The following NT5DC1 variants were observed in gnomAD, a reference collection of about 807,000 sequenced individuals.
NT5DC1 encodes 5'-nucleotidase domain containing 1.
A neutral mutation model predicts 59.4 loss-of-function variants in NT5DC1; 42 were observed. That is an observed-to-expected ratio of 0.71 (90% CI 0.55 to 0.92). The LOEUF is 0.92. Among genes scored for constraint, NT5DC1 ranks in the 40% least tolerant of loss-of-function variants. NT5DC1 has a pLI of 0.00. For synonymous variants in NT5DC1, 172 were observed against 188.1 expected (o/e 0.91, Z 0.70); for missense variants, 501 against 537.1 (o/e 0.93, Z 0.66).
chr6:116,179,212 T>C (rs1423492127), intron 6 of NT5DC1, among the ~76,000 whole-genome samples: 1 of 152,178 alleles, frequency 6.6e-6, no homozygotes, highest in Non-Finnish European at 1.5e-5. Context: ...ATAGTAGATA[T>C]TCTTCCAGTG....
Position 116,221,219 on chromosome 6 carries a change from A to G in NT5DC1, c.695A>G (p.Tyr232Cys), listed in dbSNP as rs775816029. The G allele has an allele frequency of 3.8e-6, 6 of 1,585,294 alleles. No homozygotes were observed. Among genetic ancestry groups the G allele is most frequent in the South Asian group, 3.3e-5 (3 of 89,838 alleles). The change falls in exon 7 of 12, where the codon TAT (tyrosine) becomes TGT (cysteine). Residue 232 changes from tyrosine (Y) to cysteine (C), a missense_variant. Tyr to Cys is a radical substitution (Grantham distance 194). Coordinates refer to ENST00000319550, the MANE Select transcript of NT5DC1 (RefSeq NM_152729.3). ...HSDYCRLLCE[Y>C]ILGNDFTDLF... The stretch of plus-strand genomic sequence containing the variant: ...GATTACTGTAGACTTCTCTGCGAAT[A>G]TATTCTTGGGTGAGTGATGAGTCAT...
At chr6:116,207,144 T>C (rs571311755) in intron 6 of NT5DC1, among the ~76,000 whole-genome samples, 1 of 151,982 alleles carries the variant, frequency 6.6e-6, no homozygotes, top group Admixed American at 6.6e-5. Context: ...GGAGCTGATA[T>C]CTCTGCATTA....
chr6:116,150,624 T>C (rs188390926), intron 6 of NT5DC1, among the ~76,000 whole-genome samples: 1 of 152,248 alleles, frequency 6.6e-6, no homozygotes, highest in Non-Finnish European at 1.5e-5. Flanking sequence ...GCAGTGGAAA[T>C]AGAAGTCCCT....
chr6:116,191,460 T>A (rs1343452993), intron 6 of NT5DC1, among the ~76,000 whole-genome samples: 2 of 151,978 alleles, frequency 1.3e-5, no homozygotes, highest in Non-Finnish European at 2.9e-5. Context: ...GTGTAAGAGG[T>A]TTCTACTTAG....
intron 6 of NT5DC1, among the ~76,000 whole-genome samples, chr6:116,132,421 A>G (rs1582823285): frequency 6.6e-6 from 1 of 152,014 alleles, no homozygotes; most frequent in Admixed American, 6.6e-5. Flanking sequence ...GTTCTGTGAT[A>G]TAGTTTTCAC....
chr6:116,102,252 C>T (rs1023541103), intron 1 of NT5DC1, among the ~76,000 whole-genome samples: 6 of 152,196 alleles, frequency 3.9e-5, no homozygotes, highest in African/African-American at 7.2e-5. Flanking sequence ...TTCAGGTACA[C>T]GTTAAAGGTC....
chr6:116,181,424 G>C (rs1319589415), intron 6 of NT5DC1, among the ~76,000 whole-genome samples: 4 of 151,876 alleles, frequency 2.6e-5, no homozygotes, highest in African/African-American at 9.7e-5. Flanking sequence ...TATTTCAGTG[G>C]ATGCAGAAAA....
At chr6:116,193,228 T>A (rs1050380543) in intron 6 of NT5DC1, among the ~76,000 whole-genome samples, 2 of 152,110 alleles carry the variant, frequency 1.3e-5, no homozygotes, top group Non-Finnish European at 2.9e-5. Context: ...GTTTATTTTT[T>A]AAAATCTTGC....
intron 6 of NT5DC1, among the ~76,000 whole-genome samples, chr6:116,176,857 G>A (rs1321883020): frequency 6.6e-6 from 1 of 152,140 alleles, no homozygotes; most frequent in Non-Finnish European, 1.5e-5. Flanking sequence ...CTGGCTGACT[G>A]TCCTGTGATC....
chr6:116,133,968 A>G (rs927048891), intron 6 of NT5DC1, among the ~76,000 whole-genome samples: 1 of 152,204 alleles, frequency 6.6e-6, no homozygotes, highest in African/African-American at 2.4e-5. Flanking sequence ...AATTCTTACT[A>G]TCTTTAATAA....
At chr6:116,129,219 T>G (rs767803888) in intron 6 of NT5DC1, among the ~76,000 whole-genome samples, 2 of 152,184 alleles carry the variant, frequency 1.3e-5, no homozygotes, top group Non-Finnish European at 2.9e-5. Context: ...TAGACATGTA[T>G]ATACACAAAC....
chr6:116,200,315 G>A (rs1465582806), intron 6 of NT5DC1, among the ~76,000 whole-genome samples: 1 of 151,952 alleles, frequency 6.6e-6, no homozygotes, highest in Non-Finnish European at 1.5e-5. Flanking sequence ...ACCAGTAAAC[G>A]TAATATGGTA....
At chr6:116,193,891 C>CA (rs1781173684) in intron 6 of NT5DC1, among the ~76,000 whole-genome samples, 1 of 151,656 alleles carries the variant, frequency 6.6e-6, no homozygotes, top group Non-Finnish European at 1.5e-5. Flanking sequence ...GGCAGCATGG[C>CA]AAAAAATACA....
rs747186071 is a variant in NT5DC1 at position 116,115,655 on chromosome 6, A to G, written c.365-36A>G. 15 of 1,013,764 alleles carry G rather than the reference A, an allele frequency of 1.5e-5. No homozygotes were observed. The Admixed American group carries it at 2.6e-4, about 17-fold the overall frequency. 62.8% of individuals were successfully genotyped at this position (1,013,764 alleles called of 1,614,324 possible). On this transcript the variant is annotated intron_variant, in intron 4 of 11. Coordinates refer to ENST00000319550, the MANE Select transcript of NT5DC1 (RefSeq NM_152729.3). ...GTGTATTTCACATGCATGCAGCATTATGTTGTTCCCAGTTTAAAATTTTGT... is the reference window on the plus strand; with the variant it reads ...GTGTATTTCACATGCATGCAGCATTGTGTTGTTCCCAGTTTAAAATTTTGT...
At chr6:116,242,040 A>G (rs1582889509) in intron 11 of NT5DC1, among the ~76,000 whole-genome samples, 1 of 151,992 alleles carries the variant, frequency 6.6e-6, no homozygotes, top group East Asian at 1.9e-4. Context: ...AATGTATGTG[A>G]CCAAATACTC....
chr6:116,222,776 G>C (rs1242168278), intron 7 of NT5DC1, among the ~76,000 whole-genome samples: 2 of 152,126 alleles, frequency 1.3e-5, no homozygotes, highest in Non-Finnish European at 2.9e-5. Flanking sequence ...TTGGTACCTA[G>C]AGTCTATGTG....
At position 116,238,232 on chromosome 6, in the gene NT5DC1, C is replaced by G; in HGVS notation, c.967C>G (p.Arg323Gly). ...CATGCATTCAGATATTTTCCCAGCTCGTCACTATAGTAATTGGGAGACAGT... is the reference window on the plus strand; with the variant it reads ...CATGCATTCAGATATTTTCCCAGCTGGTCACTATAGTAATTGGGAGACAGT... ...DSMHSDIFPA[R>G]HYSNWETVLI... Residue 323 changes from arginine to glycine, a missense_variant, in exon 10 of 12, where the codon CGT (arginine) becomes GGT (glycine). Physicochemically the swap from Arg to Gly is moderately radical, Grantham distance 125. Transcript: ENST00000319550. 1 of 1,611,644 alleles carries G rather than the reference C, an allele frequency of 6.2e-7. No individual in the cohort carries two copies. Among genetic ancestry groups the G allele is most frequent in the Non-Finnish European group, 8.5e-7 (1 of 1,178,452 alleles).
chr6:116,101,135 G>C (rs1437472022), intron 1 of NT5DC1, 112 bp downstream of exon 1: 1 of 723,516 alleles, frequency 1.4e-6, no homozygotes, highest in African/African-American at 1.9e-5. Flanking sequence ...TGCGGCGGCC[G>C]AGTCTTGCCG....
Position 116,121,140 on chromosome 6 carries a change from C to G in NT5DC1, c.529+3195C>G, listed in dbSNP as rs774015877. The stretch of plus-strand genomic sequence containing the variant: ...GGCTTCCCAGGAAGACCTGCTGGCC[C>G]TTGTTCCCCTTTGGCACCTGGACCC... On this transcript the variant is annotated intron_variant, in intron 6 of 11. Transcript: ENST00000319550. 6.8e-6 allele frequency: 11 copies of G among 1,613,412 alleles called. No homozygotes were observed. The highest frequency in any genetic ancestry group is 9.3e-6 in the Non-Finnish European group (11 of 1,179,690).
Sources: allele counts gnomAD v4.1 joint callset (sites outside exome capture counted in the v4.1 genomes callset), GRCh38; gene constraint gnomAD v4.1.1; transcripts MANE v1.5; gene names NCBI Gene and HGNC (gene_info 2026-07-23, HGNC 2026-07-21).